SPC25: variants seen among roughly 807,000 people sequenced by gnomAD.
SPC25 encodes kinetochore protein Spc25.
In SPC25, 22 loss-of-function variants were observed where a neutral mutation model predicts 29.6. The observed-to-expected ratio is 0.74, with a 90% CI of 0.53 to 1.06. SPC25 has a LOEUF of 1.06. SPC25 is among the 50% of genes least tolerant of loss of function. SPC25 has a pLI of 0.00. For missense variants in SPC25, 230 were observed against 255.8 expected, an observed-to-expected ratio of 0.90 and a Z score of 0.69; for synonymous variants, 91 against 90.4, an observed-to-expected ratio of 1.01 and a Z score of -0.04.
chr2:168,866,612 C>A (rs1248991064), downstream of SPC25, among the ~76,000 whole-genome samples: 2 of 151,842 alleles, frequency 1.3e-5, no homozygotes, highest in Admixed American at 6.6e-5. Context: ...GCAACAAAAG[C>A]CAAAATTGAC....
Position 168,871,182 on chromosome 2 carries a change from G to T in SPC25, c.*249C>A, listed in dbSNP as rs1689974153. The T allele has an allele frequency of 1.4e-5, 3 of 207,954 alleles. No individual in the cohort carries two copies. The highest frequency in any genetic ancestry group is 2.8e-5 in the Non-Finnish European group (3 of 107,496). 12.9% of individuals were successfully genotyped at this position (207,954 alleles called of 1,614,324 possible). A position where few individuals can be genotyped will look rare whatever the true frequency, so the allele number is the denominator to read the frequency against. ...TGAGAACACATGGACACAGGAAGGGGAACATCACACAACGGGGACTGTTGT... is the reference window on the plus strand; with the variant it reads ...TGAGAACACATGGACACAGGAAGGGTAACATCACACAACGGGGACTGTTGT... On this transcript the variant is annotated 3_prime_UTR_variant, in exon 7 of 7. Coordinates refer to ENST00000282074, the MANE Select transcript of SPC25 (RefSeq NM_020675.4).
At chr2:168,875,581 TATC>T (rs1324178715) in intron 5 of SPC25, among the ~76,000 whole-genome samples, 2 of 152,156 alleles carry the variant, frequency 1.3e-5, no homozygotes, top group Non-Finnish European at 2.9e-5. Flanking sequence ...ATCCATTTAA[TATC>T]ATCAGACCAC....
At chr2:168,870,392 A>G (rs1377423443), downstream of SPC25, among the ~76,000 whole-genome samples, 1 of 151,308 alleles carries the variant, frequency 6.6e-6, no homozygotes, top group Admixed American at 6.6e-5. Flanking sequence ...CTGCACAGCA[A>G]AAGAAACCAC....
intron 3 of SPC25, among the ~76,000 whole-genome samples, chr2:168,882,403 G>A (rs1398172850): frequency 6.6e-6 from 1 of 152,296 alleles, no homozygotes; most frequent in East Asian, 1.9e-4. Flanking sequence ...TCAGGAGATC[G>A]AGACCATCCT....
intron 4 of SPC25, chr2:168,865,450 C>T (rs551638556): frequency 9.4e-4 from 146 of 154,552 alleles, no homozygotes; most frequent in Non-Finnish European, 1.7e-3. Flanking sequence ...GCAATCAAGA[C>T]ACCAATGAGA....
intron 1 of SPC25, 94 bp downstream of exon 1, chr2:168,890,224 G>T: frequency 1.5e-6 from 1 of 678,508 alleles, no homozygotes; most frequent in Non-Finnish European, 1.8e-6. Flanking sequence ...TTTCACAAAC[G>T]CCGCCGCAAA....
intron 3 of SPC25, 37 bp downstream of exon 3, chr2:168,889,189 C>CT: frequency 6.4e-7 from 1 of 1,570,296 alleles, no homozygotes; most frequent in Non-Finnish European, 8.7e-7. Flanking sequence ...GATGTTTTAT[C>CT]TAAAAAAAAC....
chr2:168,877,109 G>A (rs148644764), intron 4 of SPC25, 129 bp downstream of exon 4: 1,190 of 896,476 alleles, frequency 1.3e-3, no homozygotes, highest in African/African-American at 0.012. Flanking sequence ...AGAGATGAGT[G>A]GCTGGTTATG....
At chr2:168,863,363 T>TC in intron 4 of SPC25, 5 of 974,012 alleles carry the variant, frequency 5.1e-6, no homozygotes, top group Non-Finnish European at 6.1e-6. Flanking sequence ...AGTTAATAAT[T>TC]TCCTTTGTCT....
chr2:168,864,505 CG>C (rs1304888161), intron 4 of SPC25, among the ~76,000 whole-genome samples: 1 of 49,746 alleles, frequency 2.0e-5, no homozygotes, highest in Non-Finnish European at 4.6e-5. Context: ...AGGCTGGTCT[CG>C]AAACTCCTGA....
chr2:168,862,099 T>C, intron 4 of SPC25: 1 of 1,518,052 alleles, frequency 6.6e-7, no homozygotes, highest in Non-Finnish European at 9.1e-7. Flanking sequence ...TTGAGATTCT[T>C]AGCATGAATA....
intron 4 of SPC25, chr2:168,864,803 G>C (rs1442789361): frequency 1.2e-6 from 2 of 1,612,726 alleles, no homozygotes; most frequent in Admixed American, 1.7e-5. Flanking sequence ...TCACATCACA[G>C]AGACCCATTT....
At position 168,864,885 on chromosome 2, in the gene SPC25, C is replaced by G. The variant is rs756522311; in HGVS notation, n.419+8700G>C. The G allele has an allele frequency of 3.1e-6, 5 of 1,613,970 alleles. No individual in the cohort carries two copies. In the South Asian group the frequency reaches 4.4e-5, roughly 14 times the overall value. ...AAAGAAGGAGGATGGTGGTTTGGAT[C>G]TTTGAATGGGAAAAAAGGCCATTTT... On this transcript the variant is annotated intron_variant and non_coding_transcript_variant, in intron 4 of 4. Coordinates refer to the SPC25 transcript ENST00000479309.
At position 168,871,387 on chromosome 2, in the gene SPC25, A is replaced by G. The variant is rs1342353839; in HGVS notation, c.*44T>C. 1 of 1,532,986 alleles carries G rather than the reference A, an allele frequency of 6.5e-7. No homozygotes were observed. The highest frequency in any genetic ancestry group is 8.8e-7 in the Non-Finnish European group (1 of 1,137,944). The allele number at this position is 1,532,986 out of a possible 1,614,324, so 95.0% of individuals were successfully genotyped here. On this transcript the variant is annotated 3_prime_UTR_variant, in exon 7 of 7. Coordinates refer to ENST00000282074, the MANE Select transcript of SPC25 (RefSeq NM_020675.4). ...AAAACAAGAAAAAAAGAGATATGTA[A>G]TAGAGAAGAAAAATAAACCGTTTTT... is the stretch of plus-strand genomic sequence containing the variant.
chr2:168,868,955 C>G (rs2105818481), downstream of SPC25, among the ~76,000 whole-genome samples: 1 of 152,232 alleles, frequency 6.6e-6, no homozygotes. Flanking sequence ...CAAAAATCCT[C>G]AATAAAATAC....
At chr2:168,887,368 G>A (rs1318570579) in intron 3 of SPC25, among the ~76,000 whole-genome samples, 2 of 150,828 alleles carry the variant, frequency 1.3e-5, no homozygotes, top group African/African-American at 2.5e-5. Context: ...GTTGCAGTGA[G>A]CCGAGATCAT....
chr2:168,867,795 C>T (rs535171191), downstream of SPC25, among the ~76,000 whole-genome samples: 32 of 152,136 alleles, frequency 2.1e-4, no homozygotes, highest in East Asian at 5.8e-4. Context: ...GACAGATCAA[C>T]GAGACAGAAA....
rs538897735 is a variant in SPC25 at position 168,871,377 on chromosome 2, G to A, written c.*54C>T. ...AATAATAATAAAAACAAGAAAAAAA[G>A]AGATATGTAATAGAGAAGAAAAATA... On this transcript the variant is annotated 3_prime_UTR_variant, in exon 7 of 7. Coordinates refer to ENST00000282074, the MANE Select transcript of SPC25 (RefSeq NM_020675.4). 2.7e-5 allele frequency: 33 copies of A among 1,230,980 alleles called. No homozygotes were observed. The South Asian group carries it at 4.0e-4, about 15-fold the overall frequency. The allele number at this position is 1,230,980 out of a possible 1,614,324, so 76.3% of individuals were successfully genotyped here. A position where few individuals can be genotyped will look rare whatever the true frequency, so the allele number is the denominator to read the frequency against.
intron 3 of SPC25, among the ~76,000 whole-genome samples, 200 bp downstream of exon 3, chr2:168,889,026 T>TATATATACATATATATATAC (rs1690333512): frequency 1.9e-5 from 1 of 51,748 alleles, no homozygotes; most frequent in Admixed American, 1.8e-4. Flanking sequence ...TATATACACA[T>TATATATACATATATATATAC]ATATATACAT....
Sources: allele counts gnomAD v4.1 joint callset (sites outside exome capture counted in the v4.1 genomes callset), GRCh38; gene constraint gnomAD v4.1.1; transcripts MANE v1.5; gene names NCBI Gene and HGNC (gene_info 2026-07-23, HGNC 2026-07-21).